The following CLSTN3 variants were observed in gnomAD, a reference collection of about 807,000 sequenced individuals.
CLSTN3 encodes calsyntenin-3.
Under a neutral mutation model 95.9 loss-of-function variants are expected in CLSTN3, and 36 were observed. That is an observed-to-expected ratio of 0.38 (90% CI 0.29 to 0.50). The LOEUF (loss-of-function observed/expected upper bound fraction) is 0.50. CLSTN3 is among the 20% of genes least tolerant of loss of function. The pLI is 0.95. For missense variants in CLSTN3, 1,084 were observed against 1,268.8 expected, an observed-to-expected ratio of 0.85 and a Z score of 2.21; for synonymous variants, 481 against 504.0, an observed-to-expected ratio of 0.95 and a Z score of 0.61.
rs747249672 is a variant in CLSTN3, at chr12:7,155,575, C to T, written c.2528-1914C>T. On this transcript the variant is annotated intron_variant, in intron 16 of 17. Transcript: ENST00000266546. Reference sequence around the variant, plus strand: ...GGCCCATCTGCCAGTGAAGGCACTGCCCCTGGCTCTGGTCTGTTGACGTGG... The same window carrying T: ...GGCCCATCTGCCAGTGAAGGCACTGTCCCTGGCTCTGGTCTGTTGACGTGG... 5.9e-5 allele frequency among the ~76,000 whole-genome samples: 9 copies of T among 152,380 alleles called. No homozygotes were observed. In the East Asian group the frequency reaches 1.7e-3, roughly 29 times the overall value.
In CLSTN3 at chr12:7,150,854, T is replaced by C; in HGVS notation, c.2392-74T>C. 2 of 1,546,126 alleles carry C rather than the reference T, an allele frequency of 1.3e-6. No homozygotes were observed. The highest frequency in any genetic ancestry group is 1.2e-5 in the South Asian group (1 of 81,002). Reference sequence around the variant, plus strand: ...GGAGATGGGGGCAGTAGTTAGGAGATGGGGCTGGGGTCTAGAGAAGTGGGG... The same window carrying C: ...GGAGATGGGGGCAGTAGTTAGGAGACGGGGCTGGGGTCTAGAGAAGTGGGG... On this transcript the variant is annotated intron_variant, in intron 15 of 17. Coordinates refer to ENST00000266546, the MANE Select transcript of CLSTN3 (RefSeq NM_014718.4). The surrounding 1 kb of genome is among the most constrained non-coding windows in gnomAD (Gnocchi z 4.0).
In CLSTN3 at chr12:7,137,273, C is replaced by G; in HGVS notation, c.1210+163C>G. On this transcript the variant is annotated intron_variant, in intron 7 of 17. Transcript: ENST00000266546. This position sits in a 1 kb window ranked among gnomAD's most constrained non-coding sequence, Gnocchi z 4.4. ...CCTTGATTCTGTGCTTTATCCCCAA[C>G]ATGACATGTTGGATCGTACTGCTGT... The G allele has an allele frequency of 3.0e-6, 2 of 677,596 alleles. No individual in the cohort carries two copies. The highest frequency in any genetic ancestry group is 4.9e-6 in the Non-Finnish European group (2 of 406,856). The allele number at this position is 677,596 out of a possible 1,614,324, so 42.0% of individuals were successfully genotyped here.
Position 7,156,936 on chromosome 12 carries a change from A to G in CLSTN3, c.2528-553A>G, listed in dbSNP as rs547019697. The G allele has an allele frequency of 3.9e-4, 167 of 428,744 alleles. 1 individual carries two copies. Among genetic ancestry groups the G allele is most frequent in the African/African-American group, 2.7e-3 (133 of 49,690 alleles). 26.6% of individuals were successfully genotyped at this position (428,744 alleles called of 1,614,324 possible). A position where few individuals can be genotyped will look rare whatever the true frequency, so the allele number is the denominator to read the frequency against. On this transcript the variant is annotated intron_variant, in intron 16 of 17. Transcript: ENST00000266546. ...CGGAGTGAGCTCAGTCCAGGTGGGTAAGGGAAGGGGCTGCTCTGTGCCCCT... is the reference window on the plus strand; with the variant it reads ...CGGAGTGAGCTCAGTCCAGGTGGGTGAGGGAAGGGGCTGCTCTGTGCCCCT...
chr12:7,141,405 G>C lies in CLSTN3; in HGVS notation c.1486+1G>C, dbSNP rs377691953. 9 of 1,614,068 alleles carry C rather than the reference G, an allele frequency of 5.6e-6. No individual in the cohort carries two copies. The highest frequency in any genetic ancestry group is 1.1e-5 in the South Asian group (1 of 91,088). On this transcript the variant is annotated splice_donor_variant, in intron 9 of 17. Coordinates refer to ENST00000266546, the MANE Select transcript of CLSTN3 (RefSeq NM_014718.4). LOFTEE classifies it high-confidence loss of function. The surrounding 1 kb of genome is among the most constrained non-coding windows in gnomAD (Gnocchi z 4.1). Reference sequence around the variant, plus strand: ...CTCATGATTGGGGCCTGCTGGACTGGTAAGCTTCTCAGTGAAGACTCCAGT... The same window carrying C: ...CTCATGATTGGGGCCTGCTGGACTGCTAAGCTTCTCAGTGAAGACTCCAGT...
At chr12:7,147,395 C>CAAAAA (rs1565652698) in intron 12 of CLSTN3, among the ~76,000 whole-genome samples, 2 of 19,800 alleles carry the variant, frequency 1.0e-4, no homozygotes, top group East Asian at 2.4e-3. Flanking sequence ...AGAGACTCTG[C>CAAAAA]CAAAAAAAAA....
chr12:7,130,325 G>C, upstream of CLSTN3: 4 of 978,074 alleles, frequency 4.1e-6, no homozygotes, highest in South Asian at 2.5e-5. Flanking sequence ...CCAGTCACCT[G>C]ATTGGCCGGC....
chr12:7,130,297 A>G, upstream of CLSTN3: 4 of 767,008 alleles, frequency 5.2e-6, no homozygotes, highest in Non-Finnish European at 6.8e-6. Flanking sequence ...CCGCTGCAGC[A>G]CCTGGTCCCC....
At position 7,133,106 on chromosome 12, in the gene CLSTN3, A is replaced by T. The variant is rs748791652; in HGVS notation, c.147A>T (p.Pro49=). ...ENDNTVLLNP[P]LFALDKDAPL... ...ACAACACGGTCCTACTGAATCCACC[A>T]CTCTTTGCCTTGGACAAGGATGCCC... is the stretch of plus-strand genomic sequence containing the variant. Residue 49 remains proline (P), a synonymous_variant, in exon 2 of 18, where the codon CCA becomes CCT. Coordinates refer to ENST00000266546, the MANE Select transcript of CLSTN3 (RefSeq NM_014718.4). This position sits in a 1 kb window ranked among gnomAD's most constrained non-coding sequence, Gnocchi z 4.7. 1.4e-5 allele frequency: 22 copies of T among 1,613,232 alleles called. No individual in the cohort carries two copies. Among genetic ancestry groups the T allele is most frequent in the Non-Finnish European group, 6.8e-6 (8 of 1,179,898 alleles).
At chr12:7,144,069 A>G (rs1481019645) in intron 12 of CLSTN3, among the ~76,000 whole-genome samples, 1 of 152,100 alleles carries the variant, frequency 6.6e-6, no homozygotes, top group African/African-American at 2.4e-5. Context: ...TCTACTAAAA[A>G]TACAAAAATT....
intron 12 of CLSTN3, among the ~76,000 whole-genome samples, chr12:7,145,314 C>G (rs116142806): frequency 6.6e-6 from 1 of 151,552 alleles, no homozygotes; most frequent in African/African-American, 2.4e-5. Flanking sequence ...TATCCTAATA[C>G]TTCCCTGAGG....
rs755013198 is a variant in CLSTN3, at chr12:7,135,427, C to T, written c.484C>T (p.Arg162Cys). 9.7e-5 allele frequency: 156 copies of T among 1,614,030 alleles called. No homozygotes were observed. Among genetic ancestry groups the T allele is most frequent in the Non-Finnish European group, 1.2e-4 (146 of 1,180,024 alleles). ...TGTGACAGAGGGGAAGCTGTACGAT[C>T]GCATCCTGCGGGTGGAAGCCATTGA... is the stretch of plus-strand genomic sequence containing the variant. ...AAVTEGKLYD[R>C]ILRVEAIDGD... Residue 162 changes from arginine to cysteine, a missense_variant, in exon 4 of 18, where the codon CGC becomes TGC. Transcript: ENST00000266546.
rs1404623303 is a variant in CLSTN3 at position 7,136,373 on chromosome 12, G to T, written c.910G>T (p.Ala304Ser). The T allele has an allele frequency of 6.2e-7, 1 of 1,612,438 alleles. No individual in the cohort carries two copies. The highest frequency in any genetic ancestry group is 8.5e-7 in the Non-Finnish European group (1 of 1,179,006). ...GCDRDNYSER[A>S]LRKLCGAATG... The stretch of plus-strand genomic sequence containing the variant: ...TGACCGTGACAACTACTCAGAGCGG[G>T]CGCTGCGGAAACTCTGTGGTAGGTG... Residue 304 changes from alanine to serine, a missense_variant, in exon 6 of 18, where the codon GCG becomes TCG. Ala to Ser is a moderately conservative substitution (Grantham distance 99). Coordinates refer to ENST00000266546, the MANE Select transcript of CLSTN3 (RefSeq NM_014718.4).
At position 7,156,497 on chromosome 12, in the gene CLSTN3, C is replaced by T. The variant is rs147796627; in HGVS notation, c.2528-992C>T. 1.7e-4 allele frequency: 77 copies of T among 456,850 alleles called. 1 individual carries two copies. Among genetic ancestry groups the T allele is most frequent in the African/African-American group, 1.1e-3 (53 of 50,178 alleles). The allele number at this position is 456,850 out of a possible 1,614,324, so 28.3% of individuals were successfully genotyped here. A position where few individuals can be genotyped will look rare whatever the true frequency, so the allele number is the denominator to read the frequency against. On this transcript the variant is annotated intron_variant, in intron 16 of 17. Transcript: ENST00000266546. ...GGTGATGCTGCACATATGGCTCTAC[C>T]GTGCCTTGCTGGAGACCCCCAGACG...
chr12:7,158,001 G>C lies in CLSTN3; in HGVS notation c.2791G>C (p.Asp931His). The C allele has an allele frequency of 6.4e-7, 1 of 1,551,226 alleles. No homozygotes were observed. The highest frequency in any genetic ancestry group is 1.2e-5 in the South Asian group (1 of 83,996). Residue 931 changes from aspartate to histidine, a missense_variant, in exon 18 of 18, where the codon GAC becomes CAC. Physicochemically the swap from Asp to His is moderately conservative, Grantham distance 81. Transcript: ENST00000266546. ...TGTTGGGGGCCAGCAGGAGGATGAG[G>C]ACAGCAGTGACTCGGAGGTGGCCGA... is the stretch of plus-strand genomic sequence containing the variant. ...GAVGGQQEDE[D>H]SSDSEVADSP...
chr12:7,158,234 T>G lies in CLSTN3; in HGVS notation c.*153T>G. The G allele has an allele frequency of 4.4e-6, 4 of 907,306 alleles. No homozygotes were observed. The highest frequency in any genetic ancestry group is 6.3e-6 in the Non-Finnish European group (4 of 633,796). 56.2% of individuals were successfully genotyped at this position (907,306 alleles called of 1,614,324 possible). On this transcript the variant is annotated 3_prime_UTR_variant, in exon 18 of 18. Transcript: ENST00000266546. Reference sequence around the variant, plus strand: ...TTCATTTCAAAACCCCAGCGGGCCCTCTGGAGTCCGCCCTGCCCCTCCCCC... The same window carrying G: ...TTCATTTCAAAACCCCAGCGGGCCCGCTGGAGTCCGCCCTGCCCCTCCCCC...
rs984267542 is a variant in CLSTN3 at position 7,133,383 on chromosome 12, G to A, written c.188-190G>A. ...CATGATTTTGTCAGATCTCAGGTCT[G>A]GAGGCTCTGGGAGGTTGCTGCTCAG... On this transcript the variant is annotated intron_variant, in intron 2 of 17. Transcript: ENST00000266546. This position sits in a 1 kb window ranked among gnomAD's most constrained non-coding sequence, Gnocchi z 4.7. Among the ~76,000 whole-genome samples the A allele has an allele frequency of 6.6e-6, 1 of 152,168 alleles. No individual in the cohort carries two copies. Among genetic ancestry groups the A allele is most frequent in the African/African-American group, 2.4e-5 (1 of 41,436 alleles).
In CLSTN3 at chr12:7,150,952, C is replaced by G; in HGVS notation, c.2416C>G (p.Arg806Gly). 1.2e-6 allele frequency: 2 copies of G among 1,609,686 alleles called. No individual in the cohort carries two copies. Among genetic ancestry groups the G allele is most frequent in the Non-Finnish European group, 1.7e-6 (2 of 1,177,382 alleles). The part of the protein sequence containing the change: ...VEVNVLHSMN[R>G]VAHPSHVLSS... ...GGTCAATGTCCTGCACAGCATGAAC[C>G]GGGTTGCCCACCCCAGCCACGTGCT... Residue 806 changes from arginine (R) to glycine (G), a missense_variant, in exon 16 of 18, where the codon CGG becomes GGG. Arg to Gly is a moderately radical substitution (Grantham distance 125). Coordinates refer to ENST00000266546, the MANE Select transcript of CLSTN3 (RefSeq NM_014718.4). This position sits in a 1 kb window ranked among gnomAD's most constrained non-coding sequence, Gnocchi z 4.0.
intron 1 of CLSTN3, among the ~76,000 whole-genome samples, chr12:7,132,099 G>T (rs1433586076): frequency 6.6e-6 from 1 of 152,090 alleles, no homozygotes; most frequent in Non-Finnish European, 1.5e-5. Flanking sequence ...GGCTGAATCT[G>T]GTAGAAGATG....
intron 16 of CLSTN3, among the ~76,000 whole-genome samples, chr12:7,154,148 G>A (rs1048295479): frequency 1.3e-5 from 2 of 152,174 alleles, no homozygotes; most frequent in Admixed American, 6.5e-5. Flanking sequence ...GGCCATTCAC[G>A]GCATAAAACC....
Sources: gnomAD v4.1 joint callset for allele counts (sites outside exome capture counted in the v4.1 genomes callset) on GRCh38, gnomAD v4.1.1 for gene constraint, Gnocchi (gnomAD v3.1) non-coding constraint, MANE v1.5 for transcripts, NCBI Gene and HGNC (gene_info 2026-07-23, HGNC 2026-07-21) for gene names.